Variants in CDH13 observed in about 807,000 individuals in gnomAD.
CDH13 encodes the protein cadherin-13.
CDH13 carries 24 observed loss-of-function variants against 63.8 expected under a neutral mutation model. The ratio of observed to expected loss-of-function variants is 0.38; its 90% CI spans 0.27 to 0.53. The LOEUF (loss-of-function observed/expected upper bound fraction) is 0.53, where lower values mean the gene tolerates loss of function less well. Ranked by LOEUF, CDH13 falls within the 20% of genes least tolerant of loss-of-function variation. The pLI is 0.85. For missense variants in CDH13, 1,049 were observed against 903.1 expected, an observed-to-expected ratio of 1.16 and a Z score of -2.07; for synonymous variants, 503 against 355.3, an observed-to-expected ratio of 1.42 and a Z score of -4.67.
intron 8 of CDH13, among the ~76,000 whole-genome samples, chr16:83,617,667 C>G (rs116312108): frequency 0.018 from 2,682 of 151,342 alleles, 87 homozygotes; most frequent in African/African-American, 0.062. Context: ...CTAATTTGCA[C>G]ATAATATCTA....
chr16:83,110,911 C>A (rs1459815562), intron 3 of CDH13, among the ~76,000 whole-genome samples: 2 of 149,658 alleles, frequency 1.3e-5, no homozygotes, highest in African/African-American at 2.5e-5. Flanking sequence ...TGTTACTCAG[C>A]AACCACCACA....
At chr16:82,880,141 C>G (rs1318675546) in intron 2 of CDH13, among the ~76,000 whole-genome samples, 1 of 151,740 alleles carries the variant, frequency 6.6e-6, no homozygotes, top group Non-Finnish European at 1.5e-5. Context: ...CTGATCATAC[C>G]TACTGATCAG....
intron 13 of CDH13, among the ~76,000 whole-genome samples, chr16:83,792,457 A>G (rs985898906): frequency 2.0e-4 from 30 of 152,212 alleles, no homozygotes; most frequent in Non-Finnish European, 4.4e-5. Flanking sequence ...GCAGCCAAAG[A>G]TGTTTCTTGT....
chr16:83,650,460 C>T (rs1014678182), intron 8 of CDH13, among the ~76,000 whole-genome samples: 14 of 152,204 alleles, frequency 9.2e-5, no homozygotes, highest in African/African-American at 3.4e-4. Flanking sequence ...CCTAGGGGAG[C>T]TTGTGGGCTG....
At chr16:82,642,613 T>A (rs1408763035) in intron 1 of CDH13, among the ~76,000 whole-genome samples, 4 of 152,206 alleles carry the variant, frequency 2.6e-5, no homozygotes, top group African/African-American at 9.7e-5. Context: ...GTGCATTACG[T>A]AAGGCAAGAC....
intron 3 of CDH13, among the ~76,000 whole-genome samples, chr16:83,101,653 G>A (rs939094731): frequency 9.2e-5 from 14 of 152,154 alleles, no homozygotes; most frequent in Admixed American, 7.9e-4. Flanking sequence ...AATTAGCTGG[G>A]TGTCGTTTTG....
intron 7 of CDH13, among the ~76,000 whole-genome samples, chr16:83,533,297 G>A (rs537142540): frequency 3.3e-5 from 5 of 152,202 alleles, no homozygotes; most frequent in South Asian, 2.1e-4. Flanking sequence ...TCAACTCAGC[G>A]TGACTCGCAA....
intron 6 of CDH13, among the ~76,000 whole-genome samples, chr16:83,413,084 A>C (rs567698167): frequency 6.6e-6 from 1 of 152,232 alleles, no homozygotes; most frequent in Non-Finnish European, 1.5e-5. Flanking sequence ...ACATCATAGC[A>C]TCAAACAGTG....
At chr16:83,139,885 C>G (rs772637054) in intron 4 of CDH13, among the ~76,000 whole-genome samples, 1 of 151,950 alleles carries the variant, frequency 6.6e-6, no homozygotes, top group African/African-American at 2.4e-5. Context: ...GCCTGTAAGC[C>G]CAGCTACTCT....
At chr16:82,978,946 G>A (rs1178743241) in intron 2 of CDH13, among the ~76,000 whole-genome samples, 1 of 152,208 alleles carries the variant, frequency 6.6e-6, no homozygotes, top group Admixed American at 6.5e-5. Flanking sequence ...AAGCAGCCGG[G>A]AGGGGGGTTG....
At chr16:82,749,578 A>G (rs866429228) in intron 1 of CDH13, among the ~76,000 whole-genome samples, 51 of 152,236 alleles carry the variant, frequency 3.4e-4, no homozygotes, top group African/African-American at 1.1e-3. Flanking sequence ...AAAGTCACAT[A>G]CAGAGTGAGA....
intron 8 of CDH13, chr16:83,655,008 C>G (rs1463885560): frequency 6.6e-6 from 1 of 152,274 alleles, no homozygotes; most frequent in Admixed American, 6.5e-5. Context: ...TGACCTTGGA[C>G]CCAGCAGTAG....
At position 83,252,799 on chromosome 16, in the gene CDH13, C is replaced by G. The variant is rs768733123; in HGVS notation, c.636+35302C>G. ...ACCGTTCACAGCACAGCCTGCCCCC[C>G]ACCCCAATAAGGAATTTCCTAGCCC... On this transcript the variant is annotated intron_variant, in intron 5 of 13. Coordinates refer to ENST00000567109, the MANE Select transcript of CDH13 (RefSeq NM_001257.5). 4.4e-4 allele frequency among the ~76,000 whole-genome samples: 67 copies of G among 152,104 alleles called. 1 individual carries two copies. The highest frequency in any genetic ancestry group is 4.2e-4 in the South Asian group (2 of 4,812).
At chr16:82,725,706 C>G (rs2033055365) in intron 1 of CDH13, among the ~76,000 whole-genome samples, 1 of 152,008 alleles carries the variant, frequency 6.6e-6, no homozygotes, top group Non-Finnish European at 1.5e-5. Flanking sequence ...TATGCAGTGC[C>G]CCGAATGCTG....
chr16:83,150,722 A>T (rs2036944271), intron 4 of CDH13, among the ~76,000 whole-genome samples: 1 of 152,204 alleles, frequency 6.6e-6, no homozygotes, highest in South Asian at 2.1e-4. Context: ...TAGGAATTAG[A>T]CAAAAGTTCC....
intron 6 of CDH13, among the ~76,000 whole-genome samples, chr16:83,365,668 A>G (rs1316760936): frequency 6.6e-6 from 1 of 152,180 alleles, no homozygotes; most frequent in Non-Finnish European, 1.5e-5. Flanking sequence ...GACCCAGGTA[A>G]TCACATGGGC....
At chr16:83,270,709 C>A (rs181387322) in intron 5 of CDH13, among the ~76,000 whole-genome samples, 4 of 152,256 alleles carry the variant, frequency 2.6e-5, no homozygotes, top group South Asian at 4.2e-4. Context: ...AGACACGTTC[C>A]TATCTGTCAT....
intron 1 of CDH13, among the ~76,000 whole-genome samples, chr16:82,757,637 C>CTTT (rs1307353183): frequency 4.3e-5 from 4 of 93,288 alleles, no homozygotes; most frequent in African/African-American, 8.6e-5. Flanking sequence ...AACGCCATAG[C>CTTT]TTTTTTTTTG....
At chr16:83,790,145 C>A (rs1450299843) in intron 13 of CDH13, 1 of 152,128 alleles carries the variant, frequency 6.6e-6, no homozygotes, top group Non-Finnish European at 1.5e-5. Flanking sequence ...GAAAACTGAT[C>A]CTCAGAAAGG....
Sources: gnomAD v4.1 joint callset for allele counts (sites outside exome capture counted in the v4.1 genomes callset) on GRCh38, gnomAD v4.1.1 for gene constraint, MANE v1.5 for transcripts, NCBI Gene and HGNC (gene_info 2026-07-23, HGNC 2026-07-21) for gene names.